Variants in SNX29 observed in about 807,000 individuals in gnomAD.
The protein encoded by SNX29 is sorting nexin 29.
SNX29 carries 78 observed loss-of-function variants against 102.1 expected under a neutral mutation model. That is an observed-to-expected ratio of 0.76 (90% CI 0.64 to 0.92). The LOEUF (loss-of-function observed/expected upper bound fraction) is 0.92. SNX29 is among the 40% of genes least tolerant of loss of function. The pLI is 0.00. For missense variants in SNX29, 1,280 were observed against 1,061.7 expected, an observed-to-expected ratio of 1.21 and a Z score of -2.86; for synonymous variants, 580 against 414.5, an observed-to-expected ratio of 1.40 and a Z score of -4.85.
chr16:12,020,931 C>G (rs993328978), intron 3 of SNX29, among the ~76,000 whole-genome samples: 4 of 152,092 alleles, frequency 2.6e-5, no homozygotes, highest in African/African-American at 9.7e-5. Context: ...GCCTCATGGC[C>G]CATTTCAAAT....
At chr16:12,564,519 C>G (rs1246450590) in intron 20 of SNX29, among the ~76,000 whole-genome samples, 3 of 152,202 alleles carry the variant, frequency 2.0e-5, no homozygotes, top group Non-Finnish European at 2.9e-5. Context: ...CTCAAGTTTT[C>G]TGACTCTGAA....
rs1165973782 is a variant in SNX29 at position 12,571,751 on chromosome 16, C to G, written c.*3122C>G. 3.0e-6 allele frequency: 3 copies of G among 1,016,354 alleles called. No homozygotes were observed. Among genetic ancestry groups the G allele is most frequent in the Middle Eastern group, 4.4e-4 (1 of 2,294 alleles). The allele number at this position is 1,016,354 out of a possible 1,614,324, so 63.0% of individuals were successfully genotyped here. On this transcript the variant is annotated 3_prime_UTR_variant, in exon 21 of 21. Coordinates refer to ENST00000566228, the MANE Select transcript of SNX29 (RefSeq NM_032167.5). ...GCTGCTAGAAACCTAGCCCAACCATCCACTCCTGATCTGAGACAGAACCTT... is the reference window on the plus strand; with the variant it reads ...GCTGCTAGAAACCTAGCCCAACCATGCACTCCTGATCTGAGACAGAACCTT...
At chr16:12,525,329 TA>T (rs61166841) in intron 20 of SNX29, among the ~76,000 whole-genome samples, 8,613 of 137,036 alleles carry the variant, frequency 0.063, 324 homozygotes, top group South Asian at 0.13. Context: ...TTGAAAAAAG[TA>T]AAAAAAAAAA....
chr16:12,139,986 A>G (rs1172592602), intron 13 of SNX29, among the ~76,000 whole-genome samples: 4 of 150,854 alleles, frequency 2.7e-5, no homozygotes, highest in African/African-American at 4.9e-5. Flanking sequence ...GTCTCAAAAA[A>G]AAAAAAAAAA....
chr16:11,998,938 A>G (rs1322230128), intron 1 of SNX29, among the ~76,000 whole-genome samples: 2 of 152,196 alleles, frequency 1.3e-5, no homozygotes, highest in African/African-American at 4.8e-5. Context: ...TTTGATTCCC[A>G]GGGGACATTT....
At chr16:12,162,542 CACTAAA>C (rs2055833944) in intron 13 of SNX29, among the ~76,000 whole-genome samples, 1 of 152,218 alleles carries the variant, frequency 6.6e-6, no homozygotes, top group Admixed American at 6.5e-5. Flanking sequence ...GCCTGTGTTC[CACTAAA>C]ACTTCATTCA....
chr16:12,075,035 T>C (rs1358901767), intron 10 of SNX29, among the ~76,000 whole-genome samples: 2 of 152,214 alleles, frequency 1.3e-5, no homozygotes, highest in Middle Eastern at 3.2e-3. Context: ...TAAGCACTTC[T>C]CTATATTGGT....
chr16:12,444,201 G>A (rs2085942427), intron 18 of SNX29, among the ~76,000 whole-genome samples: 1 of 150,992 alleles, frequency 6.6e-6, no homozygotes, highest in East Asian at 2.0e-4. Flanking sequence ...CTAGGACATA[G>A]TAAGCACTCA....
At chr16:12,458,802 G>C (rs918985128) in intron 18 of SNX29, among the ~76,000 whole-genome samples, 2 of 152,156 alleles carry the variant, frequency 1.3e-5, no homozygotes, top group Non-Finnish European at 2.9e-5. Context: ...GCAGGCTCTG[G>C]CCACAGCTCA....
At chr16:12,169,043 C>T (rs531957841) in intron 13 of SNX29, among the ~76,000 whole-genome samples, 1 of 152,296 alleles carries the variant, frequency 6.6e-6, no homozygotes, top group South Asian at 2.1e-4. Context: ...CAAGACTTGG[C>T]CTCACTGCTG....
intron 3 of SNX29, among the ~76,000 whole-genome samples, chr16:12,014,968 C>G (rs941605625): frequency 6.6e-6 from 1 of 151,872 alleles, no homozygotes. Flanking sequence ...TTTTGGTCAA[C>G]TATTTTTTTT....
intron 18 of SNX29, among the ~76,000 whole-genome samples, chr16:12,457,890 CAA>C (rs2086607699): frequency 6.6e-6 from 1 of 152,158 alleles, no homozygotes; most frequent in Admixed American, 6.5e-5. Context: ...CGTGGGGAGA[CAA>C]AAGAGGGTTC....
At chr16:12,370,722 A>G (rs1245043341) in intron 16 of SNX29, among the ~76,000 whole-genome samples, 2 of 152,166 alleles carry the variant, frequency 1.3e-5, no homozygotes, top group African/African-American at 2.4e-5. Flanking sequence ...TCCTAGTAAA[A>G]GTCAATGCTG....
At position 12,326,210 on chromosome 16, in the gene SNX29, C is replaced by G. The variant is rs1213692810; in HGVS notation, c.1783-29953C>G. Reference sequence around the variant, plus strand: ...ATTTTTTAGTAGAGATGGGGTTTCGCCATGTTGGCCAGGCTGGTCTTGAAC... The same window carrying G: ...ATTTTTTAGTAGAGATGGGGTTTCGGCATGTTGGCCAGGCTGGTCTTGAAC... On this transcript the variant is annotated intron_variant, in intron 15 of 20. Transcript: ENST00000566228. 2.0e-5 allele frequency among the ~76,000 whole-genome samples: 3 copies of G among 152,034 alleles called. No homozygotes were observed. The East Asian group carries it at 5.9e-4, about 30-fold the overall frequency.
intron 13 of SNX29, among the ~76,000 whole-genome samples, chr16:12,152,613 G>A (rs190235414): frequency 2.0e-4 from 31 of 152,270 alleles, no homozygotes. Flanking sequence ...GTGTTTCTGA[G>A]GCTCTTTCCA....
chr16:12,101,718 T>A (rs2053030369), intron 11 of SNX29, among the ~76,000 whole-genome samples: 1 of 152,174 alleles, frequency 6.6e-6, no homozygotes. Flanking sequence ...TGTTGGCAGC[T>A]GTAGTTTTAG....
At chr16:12,005,341 C>G (rs900493188) in intron 3 of SNX29, among the ~76,000 whole-genome samples, 2 of 152,082 alleles carry the variant, frequency 1.3e-5, no homozygotes, top group African/African-American at 4.8e-5. Context: ...TAAGTCCTGT[C>G]CTAGTTGTAC....
At chr16:12,476,244 C>CTTGGAGGT (rs2087587879) in intron 18 of SNX29, among the ~76,000 whole-genome samples, 2 of 143,360 alleles carry the variant, frequency 1.4e-5, no homozygotes, top group Non-Finnish European at 3.0e-5. Context: ...ATCGCTTGAA[C>CTTGGAGGT]TTGGAGGTGG....
At chr16:12,561,416 T>C (rs1351243295) in intron 20 of SNX29, among the ~76,000 whole-genome samples, 1 of 152,170 alleles carries the variant, frequency 6.6e-6, no homozygotes, top group Non-Finnish European at 1.5e-5. Flanking sequence ...AGATCAGTCC[T>C]AGCTGGGTTG....
Sources: allele counts gnomAD v4.1 joint callset (sites outside exome capture counted in the v4.1 genomes callset), GRCh38; gene constraint gnomAD v4.1.1; transcripts MANE v1.5; gene names NCBI Gene and HGNC (gene_info 2026-07-23, HGNC 2026-07-21).